The following C10orf67 variants were observed in gnomAD, a reference collection of about 807,000 sequenced individuals.
C10orf67 encodes uncharacterized protein C10orf67, mitochondrial.
Under a neutral mutation model 35.6 loss-of-function variants are expected in C10orf67, and 60 were observed. That is an observed-to-expected ratio of 1.68 (90% CI 1.37 to 2.09). The LOEUF (loss-of-function observed/expected upper bound fraction) is 2.09, where lower values mean the gene tolerates loss of function less well. C10orf67 is among the 30% of genes most tolerant of loss of function. The pLI is 0.00. For missense variants in C10orf67, 474 were observed against 330.2 expected, an observed-to-expected ratio of 1.44 and a Z score of -3.38; for synonymous variants, 167 against 115.8, an observed-to-expected ratio of 1.44 and a Z score of -2.84.
At chr10:23,259,109 C>A (rs1387036169) in intron 10 of C10orf67, among the ~76,000 whole-genome samples, 1 of 152,178 alleles carries the variant, frequency 6.6e-6, no homozygotes, top group Non-Finnish European at 1.5e-5. Flanking sequence ...TTATCAACAG[C>A]ATCCAGGAAT....
At chr10:23,224,868 G>A (rs1342394991) in intron 13 of C10orf67, among the ~76,000 whole-genome samples, 1 of 152,178 alleles carries the variant, frequency 6.6e-6, no homozygotes, top group Non-Finnish European at 1.5e-5. Flanking sequence ...ATGGGACTAT[G>A]TGAAAAGACC....
chr10:23,291,749 G>C (rs947025893), intron 5 of C10orf67, among the ~76,000 whole-genome samples: 1 of 152,184 alleles, frequency 6.6e-6, no homozygotes, highest in Non-Finnish European at 1.5e-5. Context: ...AGTGCTGCCA[G>C]TGTCATGAGG....
Position 23,267,205 on chromosome 10 carries a change from A to G in C10orf67, c.1025T>C (p.Leu342Ser). The G allele has an allele frequency of 4.2e-6, 3 of 715,756 alleles. No homozygotes were observed. The highest frequency in any genetic ancestry group is 5.2e-6 in the Non-Finnish European group (2 of 384,674). The allele number at this position is 715,756 out of a possible 1,614,324, so 44.3% of individuals were successfully genotyped here. The change falls in exon 9 of 16, where the codon TTA (leucine) becomes TCA (serine). Residue 342 changes from leucine to serine, a missense_variant. Leu to Ser is a moderately radical substitution (Grantham distance 145). Transcript: ENST00000636213. ...AACTTAAATACAAACCTTTACACTTAAGCTGCCATACTTTTTTCTCATTTC... is the reference window on the plus strand; with the variant it reads ...AACTTAAATACAAACCTTTACACTTGAGCTGCCATACTTTTTTCTCATTTC... ...DKEMRKKYGS[L>S]SVKVARSAKG...
chr10:23,315,258 C>T (rs930866352), intron 4 of C10orf67, among the ~76,000 whole-genome samples: 26 of 152,188 alleles, frequency 1.7e-4, no homozygotes, highest in East Asian at 7.7e-4. Context: ...CTGATGAATA[C>T]GAAGAATTTA....
chr10:23,226,548 A>G (rs1393930274), intron 13 of C10orf67, among the ~76,000 whole-genome samples: 1 of 152,180 alleles, frequency 6.6e-6, no homozygotes, highest in Non-Finnish European at 1.5e-5. Flanking sequence ...ACAAGAGCAA[A>G]TACATTCAAA....
Position 23,293,248 on chromosome 10 carries a change from A to G in C10orf67, c.703-1969T>C, listed in dbSNP as rs549728379. Among the ~76,000 whole-genome samples the G allele has an allele frequency of 7.2e-5, 11 of 152,354 alleles. No individual in the cohort carries two copies. The South Asian group carries it at 2.1e-3, about 29-fold the overall frequency. On this transcript the variant is annotated intron_variant, in intron 5 of 15. Transcript: ENST00000636213. The stretch of plus-strand genomic sequence containing the variant: ...TGAAAGCAGGACGCAAGGAAAACAC[A>G]TTAAATACGGGGGTTTGTCCTCCAC...
chr10:23,262,211 G>A lies in C10orf67; in HGVS notation c.1200+4051C>T, dbSNP rs542690978. Reference sequence around the variant, plus strand: ...CAGCATGTCAGATGCTCAGCCTTCCGGGGAAAAGACCCACGTCTGGGTAGT... The same window carrying A: ...CAGCATGTCAGATGCTCAGCCTTCCAGGGAAAAGACCCACGTCTGGGTAGT... On this transcript the variant is annotated intron_variant, in intron 10 of 15. Transcript: ENST00000636213. 5.3e-5 allele frequency among the ~76,000 whole-genome samples: 8 copies of A among 152,252 alleles called. No homozygotes were observed. In the South Asian group the frequency reaches 6.2e-4, roughly 12 times the overall value.
At chr10:23,214,151 T>C (rs1841376325) in intron 15 of C10orf67, among the ~76,000 whole-genome samples, 1 of 152,022 alleles carries the variant, frequency 6.6e-6, no homozygotes, top group South Asian at 2.1e-4. Context: ...GCATTTAACA[T>C]AGCTTTAAAA....
intron 15 of C10orf67, 117 bp from the exon 16 acceptor site, chr10:23,204,372 C>T (rs1277436776): frequency 4.8e-6 from 2 of 417,166 alleles, no homozygotes; most frequent in Non-Finnish European, 8.6e-6. Flanking sequence ...TCTTCCCAGC[C>T]CTGGCCCTAG....
At chr10:23,253,361 T>C (rs1300337345) in intron 10 of C10orf67, among the ~76,000 whole-genome samples, 1 of 152,156 alleles carries the variant, frequency 6.6e-6, no homozygotes, top group Non-Finnish European at 1.5e-5. Context: ...CTCCACCTAT[T>C]TGTTCTCAAA....
chr10:23,304,270 G>A (rs1257465268), intron 4 of C10orf67, among the ~76,000 whole-genome samples: 1 of 152,180 alleles, frequency 6.6e-6, no homozygotes. Context: ...CCTCTCAGCT[G>A]CAGTCTGAGA....
chr10:23,341,846 C>T (rs1845900486), intron 1 of C10orf67, among the ~76,000 whole-genome samples: 1 of 152,172 alleles, frequency 6.6e-6, no homozygotes, highest in Non-Finnish European at 1.5e-5. Flanking sequence ...GTCATTTTCT[C>T]AGTGAAGCCT....
chr10:23,294,813 T>C (rs778722623), intron 5 of C10orf67, among the ~76,000 whole-genome samples: 1 of 152,210 alleles, frequency 6.6e-6, no homozygotes, highest in African/African-American at 2.4e-5. Context: ...TGAGACTTGG[T>C]GTCCCAGGGG....
At chr10:23,344,049 C>G in intron 1 of C10orf67, 1 of 324,404 alleles carries the variant, frequency 3.1e-6, no homozygotes, top group South Asian at 2.5e-5. Context: ...TCTCCTGAGT[C>G]GGAGTCGGGA....
At chr10:23,319,996 C>T (rs1185662318) in intron 4 of C10orf67, among the ~76,000 whole-genome samples, 1 of 152,178 alleles carries the variant, frequency 6.6e-6, no homozygotes, top group Admixed American at 6.5e-5. Context: ...ACCATTCATG[C>T]ATTTAGCAAT....
intron 1 of C10orf67, among the ~76,000 whole-genome samples, chr10:23,343,620 A>T (rs2132429851): frequency 6.6e-6 from 1 of 152,310 alleles, no homozygotes; most frequent in African/African-American, 2.4e-5. Context: ...CCGCTGAGAA[A>T]ACTGAGGCAC....
chr10:23,221,027 C>A (rs772120673), intron 15 of C10orf67, among the ~76,000 whole-genome samples: 1 of 151,958 alleles, frequency 6.6e-6, no homozygotes, highest in South Asian at 2.1e-4. Flanking sequence ...TTATAGTAAC[C>A]CCTTATGTTT....
At chr10:23,246,684 G>A (rs191424080) in intron 12 of C10orf67, among the ~76,000 whole-genome samples, 19 of 152,210 alleles carry the variant, frequency 1.2e-4, no homozygotes, top group East Asian at 7.7e-4. Flanking sequence ...GCCTAGTAAC[G>A]TCTTGACAAT....
intron 12 of C10orf67, among the ~76,000 whole-genome samples, chr10:23,241,703 G>C (rs12241190): frequency 2.0e-5 from 3 of 152,042 alleles, no homozygotes; most frequent in African/African-American, 7.3e-5. Flanking sequence ...AGGAGGATCA[G>C]AGTAGATAAG....
Sources: allele counts gnomAD v4.1 joint callset (sites outside exome capture counted in the v4.1 genomes callset), GRCh38; gene constraint gnomAD v4.1.1; transcripts MANE v1.5; gene names NCBI Gene and HGNC (gene_info 2026-07-23, HGNC 2026-07-21).